RBMS2: variants seen among roughly 807,000 people sequenced by gnomAD.
RBMS2 encodes RNA binding motif single stranded interacting protein 2, also known as RNA-binding motif, single-stranded-interacting protein 2.
RBMS2 carries 38 observed loss-of-function variants against 58.4 expected under a neutral mutation model. That is an observed-to-expected ratio of 0.65 (90% confidence interval 0.50 to 0.85). The LOEUF (loss-of-function observed/expected upper bound fraction) is 0.85, where lower values mean the gene tolerates loss of function less well. Ranked by LOEUF, RBMS2 falls within the 40% of genes least tolerant of loss-of-function variation. RBMS2 has a pLI of 0.00. For missense variants in RBMS2, 367 were observed against 503.7 expected, an observed-to-expected ratio of 0.73 and a Z score of 2.60; for synonymous variants, 151 against 180.7, an observed-to-expected ratio of 0.84 and a Z score of 1.32.
In RBMS2 at chr12:56,595,389, T is replaced by C. The variant is rs1367343927; in HGVS notation, c.*6256T>C. Reference sequence around the variant, plus strand: ...CACCTCTTTGCATGTGGACAGAAAATGTTTATACTTAAACAGACATATTTT... The same window carrying C: ...CACCTCTTTGCATGTGGACAGAAAACGTTTATACTTAAACAGACATATTTT... On this transcript the variant is annotated 3_prime_UTR_variant, in exon 14 of 14. Coordinates refer to ENST00000262031, the MANE Select transcript of RBMS2 (RefSeq NM_002898.4). The C allele has an allele frequency of 1.3e-5, 2 of 152,102 alleles. No homozygotes were observed. The highest frequency in any genetic ancestry group is 4.8e-5 in the African/African-American group (2 of 41,396). The allele number at this position is 152,102 out of a possible 1,614,324, so 9.4% of individuals were successfully genotyped here.
At position 56,521,977 on chromosome 12, in the gene RBMS2, TTCTCTCTCTC is replaced by T. The variant is rs141771200; in HGVS notation, c.-36_-27del. Reference sequence around the variant, plus strand: ...TCCCCGTCTTTCTTACCCCCTCCCTTTCTCTCTCTCTCTCTCTCTCGCTCGTTCCCTAACA... The same window carrying T: ...TCCCCGTCTTTCTTACCCCCTCCCTTTCTCTCTCTCGCTCGTTCCCTAACA... On this transcript the variant is annotated 5_prime_UTR_variant, in exon 1 of 14. Transcript: ENST00000262031. 0.022 allele frequency: 15,210 copies of T among 680,232 alleles called. 232 individuals carry two copies. The highest frequency in any genetic ancestry group is 0.054 in the African/African-American group (2,498 of 46,356). 42.1% of individuals were successfully genotyped at this position (680,232 alleles called of 1,614,324 possible).
intron 1 of RBMS2, among the ~76,000 whole-genome samples, chr12:56,536,012 C>G (rs1256949290): frequency 6.6e-6 from 1 of 151,870 alleles, no homozygotes; most frequent in Non-Finnish European, 1.5e-5. Context: ...GCTAGCCTAG[C>G]CAACATGGCG....
intron 1 of RBMS2, among the ~76,000 whole-genome samples, chr12:56,525,104 T>C (rs573406119): frequency 1.6e-4 from 24 of 152,328 alleles, no homozygotes; most frequent in African/African-American, 5.8e-4. Flanking sequence ...ATAGCATTAT[T>C]ACGTTGCTCT....
chr12:56,592,306 A>G lies in RBMS2; in HGVS notation c.*3173A>G, dbSNP rs1885359444. 1 of 152,170 alleles carries G rather than the reference A, an allele frequency of 6.6e-6. No homozygotes were observed. Among genetic ancestry groups the G allele is most frequent in the Non-Finnish European group, 1.5e-5 (1 of 68,050 alleles). 9.4% of individuals were successfully genotyped at this position (152,170 alleles called of 1,614,324 possible). A position where few individuals can be genotyped will look rare whatever the true frequency, so the allele number is the denominator to read the frequency against. ...ACTTGGCATTTTTCTGTTTTCAGTCAGCTAGAACACACTAGAGTCCTTTCC... is the reference window on the plus strand; with the variant it reads ...ACTTGGCATTTTTCTGTTTTCAGTCGGCTAGAACACACTAGAGTCCTTTCC... On this transcript the variant is annotated 3_prime_UTR_variant, in exon 14 of 14. Transcript: ENST00000262031.
At chr12:56,531,044 C>T (rs1873638540) in intron 1 of RBMS2, among the ~76,000 whole-genome samples, 1 of 152,100 alleles carries the variant, frequency 6.6e-6, no homozygotes, top group Non-Finnish European at 1.5e-5. Context: ...CCCTCCATTT[C>T]CCAGCCCCAG....
At chr12:56,539,144 T>G (rs988167307) in intron 1 of RBMS2, among the ~76,000 whole-genome samples, 1 of 151,870 alleles carries the variant, frequency 6.6e-6, no homozygotes, top group Non-Finnish European at 1.5e-5. Flanking sequence ...GCCACGCAAG[T>G]AGCTGGGATT....
At chr12:56,576,656 T>C (rs1456053034) in intron 5 of RBMS2, among the ~76,000 whole-genome samples, 1 of 152,200 alleles carries the variant, frequency 6.6e-6, no homozygotes, top group African/African-American at 2.4e-5. Context: ...TCCATTTCTC[T>C]ATAGAATTGT....
At chr12:56,581,131 G>C in intron 5 of RBMS2, 53 bp from the exon 6 acceptor site, 1 of 1,413,036 alleles carries the variant, frequency 7.1e-7, no homozygotes. Context: ...TTCAATGTGT[G>C]GAGAGCACAG....
chr12:56,569,358 G>A (rs1881908919), intron 3 of RBMS2, among the ~76,000 whole-genome samples: 1 of 152,178 alleles, frequency 6.6e-6, no homozygotes, highest in Non-Finnish European at 1.5e-5. Flanking sequence ...TCATGTAAAT[G>A]CCTTTTTTGG....
chr12:56,582,854 G>A (rs553186156), intron 9 of RBMS2, among the ~76,000 whole-genome samples: 2 of 151,974 alleles, frequency 1.3e-5, no homozygotes, highest in African/African-American at 4.8e-5. Flanking sequence ...TTTTTTAGTA[G>A]AGACGGGGTT....
intron 1 of RBMS2, among the ~76,000 whole-genome samples, chr12:56,554,225 G>A (rs566457230): frequency 6.6e-6 from 1 of 152,242 alleles, no homozygotes; most frequent in African/African-American, 2.4e-5. Context: ...GAGGCTTGAT[G>A]TTTCCCCTAT....
At chr12:56,573,433 C>T (rs549503792) in intron 5 of RBMS2, among the ~76,000 whole-genome samples, 39 of 135,770 alleles carry the variant, frequency 2.9e-4, no homozygotes, top group Non-Finnish European at 3.7e-4. Context: ...GCCGAGATCG[C>T]GCCATTGCAT....
intron 1 of RBMS2, among the ~76,000 whole-genome samples, chr12:56,537,380 T>A (rs921067469): frequency 6.6e-6 from 1 of 152,206 alleles, no homozygotes; most frequent in African/African-American, 2.4e-5. Flanking sequence ...TGGCAACCAC[T>A]GTTCTACTTT....
At chr12:56,535,355 C>T (rs367830712) in intron 1 of RBMS2, among the ~76,000 whole-genome samples, 2 of 151,798 alleles carry the variant, frequency 1.3e-5, no homozygotes, top group South Asian at 2.1e-4. Flanking sequence ...ATTAGCCAGG[C>T]GTGGTGGTGC....
chr12:56,583,643 A>C (rs899487861), intron 9 of RBMS2, among the ~76,000 whole-genome samples: 15 of 122,142 alleles, frequency 1.2e-4, no homozygotes, highest in African/African-American at 4.4e-4. Flanking sequence ...GACAAGAGTG[A>C]AACTCTGTCT....
rs530584019 is a variant in RBMS2, at chr12:56,564,845, G to A, written c.233+2262G>A. 5.3e-4 allele frequency among the ~76,000 whole-genome samples: 80 copies of A among 152,182 alleles called. 1 individual carries two copies. The South Asian group carries it at 0.016, about 30-fold the overall frequency. ...AAAAATTAGCTGGGTGTGGTGGTGG[G>A]CACCTGTAGTCCCAGCTACTCAGGA... On this transcript the variant is annotated intron_variant, in intron 2 of 13. Coordinates refer to ENST00000262031, the MANE Select transcript of RBMS2 (RefSeq NM_002898.4).
Position 56,569,961 on chromosome 12 carries a change from G to A in RBMS2, c.355G>A (p.Ala119Thr), listed in dbSNP as rs1415717700. ...ACAGAAAGCTGTAACAGCACTGAAGGCCAGCGGTGTACAGGCACAGATGGC... is the reference window on the plus strand; with the variant it reads ...ACAGAAAGCTGTAACAGCACTGAAGACCAGCGGTGTACAGGCACAGATGGC... ...AAQKAVTALK[A>T]SGVQAQMAKQ... Residue 119 changes from alanine to threonine, a missense_variant, in exon 4 of 14, where the codon GCC (alanine) becomes ACC (threonine). By Grantham distance (58) the Ala-to-Thr change is moderately conservative. Coordinates refer to ENST00000262031, the MANE Select transcript of RBMS2 (RefSeq NM_002898.4). The A allele has an allele frequency of 6.2e-7, 1 of 1,613,774 alleles. No homozygotes were observed. The highest frequency in any genetic ancestry group is 8.5e-7 in the Non-Finnish European group (1 of 1,179,710).
intron 1 of RBMS2, among the ~76,000 whole-genome samples, chr12:56,531,640 A>G (rs188285629): frequency 5.9e-5 from 9 of 151,654 alleles, no homozygotes; most frequent in Middle Eastern, 3.4e-3. Flanking sequence ...AGCCTGGCCA[A>G]CATAGTGAAA....
At chr12:56,523,044 A>T (rs1872018295) in intron 1 of RBMS2, among the ~76,000 whole-genome samples, 1 of 152,192 alleles carries the variant, frequency 6.6e-6, no homozygotes, top group African/African-American at 2.4e-5. Context: ...CTGCTTTCTC[A>T]TGTACCTAAT....
Sources: gnomAD v4.1 joint callset for allele counts (sites outside exome capture counted in the v4.1 genomes callset) on GRCh38, gnomAD v4.1.1 for gene constraint, MANE v1.5 for transcripts, NCBI Gene and HGNC (gene_info 2026-07-23, HGNC 2026-07-21) for gene names.